The following RASA3 variants were observed in gnomAD, a reference collection of about 807,000 sequenced individuals.
RASA3 encodes RAS p21 protein activator 3.
Under a neutral mutation model 110.0 loss-of-function variants are expected in RASA3, and 73 were observed. That is an observed-to-expected ratio of 0.66 (90% CI 0.55 to 0.81). The LOEUF (loss-of-function observed/expected upper bound fraction) is 0.81, where lower values mean the gene tolerates loss of function less well. RASA3 is among the 30% of genes least tolerant of loss of function. The pLI is 0.00. For missense variants in RASA3, 976 were observed against 1,113.2 expected (o/e 0.88, Z 1.75); for synonymous variants, 500 against 451.4 (o/e 1.11, Z -1.37).
intron 3 of RASA3, among the ~76,000 whole-genome samples, chr13:114,045,318 C>T (rs1367521018): frequency 1.3e-5 from 2 of 152,250 alleles, no homozygotes; most frequent in Non-Finnish European, 2.9e-5. Context: ...TGGGCAAAGG[C>T]GGCTGCCTTC....
rs989438913 is a variant in RASA3, at chr13:114,011,036, G to A, written c.1590+135C>T. ...GCTCAGGTCCTGGGTTTCAAGAGAG[G>A]ATGTGGTGCCGGCTTTGATTCTTGA... On this transcript the variant is annotated intron_variant, in intron 16 of 23. Transcript: ENST00000334062. This position sits in a 1 kb window ranked among gnomAD's most constrained non-coding sequence, Gnocchi z 4.8. 2.5e-5 allele frequency: 21 copies of A among 829,484 alleles called. No homozygotes were observed. The highest frequency in any genetic ancestry group is 7.8e-5 in the South Asian group (5 of 64,480). 51.4% of individuals were successfully genotyped at this position (829,484 alleles called of 1,614,324 possible).
chr13:114,024,176 T>C lies in RASA3; in HGVS notation c.680+103A>G, dbSNP rs2053984129. 3.5e-6 allele frequency: 4 copies of C among 1,154,196 alleles called. No individual in the cohort carries two copies. In the South Asian group the frequency reaches 3.9e-5, roughly 11 times the overall value. The allele number at this position is 1,154,196 out of a possible 1,614,324, so 71.5% of individuals were successfully genotyped here. The stretch of plus-strand genomic sequence containing the variant: ...GTGAAAATTACCAAGAAAATGGAAA[T>C]TCATTTCTATCTATGACCCTATATT... On this transcript the variant is annotated intron_variant, in intron 8 of 23. Coordinates refer to ENST00000334062, the MANE Select transcript of RASA3 (RefSeq NM_007368.4).
Position 114,056,390 on chromosome 13 carries a change from C to T in RASA3, c.174-4235G>A, listed in dbSNP as rs1438176618. 2.1e-6 allele frequency: 2 copies of T among 956,416 alleles called. No homozygotes were observed. Among genetic ancestry groups the T allele is most frequent in the Non-Finnish European group, 2.5e-6 (2 of 803,544 alleles). The allele number at this position is 956,416 out of a possible 1,614,324, so 59.2% of individuals were successfully genotyped here. Reference sequence around the variant, plus strand: ...ACCTGGCATTTAACCCTGCACACTTCCTCACCACCCTGATGCACAGGGTGG... The same window carrying T: ...ACCTGGCATTTAACCCTGCACACTTTCTCACCACCCTGATGCACAGGGTGG... On this transcript the variant is annotated intron_variant, in intron 2 of 23. Coordinates refer to ENST00000334062, the MANE Select transcript of RASA3 (RefSeq NM_007368.4). The surrounding 1 kb of genome is among the most constrained non-coding windows in gnomAD (Gnocchi z 5.7).
intron 19 of RASA3, 112 bp from the exon 20 acceptor site, chr13:113,999,779 G>T (rs1251859206): frequency 5.7e-6 from 2 of 350,214 alleles, no homozygotes; most frequent in East Asian, 1.5e-4. Flanking sequence ...TTACCGGGGG[G>T]TCTCTGCCAG....
At chr13:113,984,285 G>A (rs55837257) in intron 22 of RASA3, among the ~76,000 whole-genome samples, 4 of 80,558 alleles carry the variant, frequency 5.0e-5, no homozygotes, top group Non-Finnish European at 5.4e-5. Flanking sequence ...CTCATCCCTC[G>A]GTCCATCCAC....
At position 114,056,592 on chromosome 13, in the gene RASA3, G is replaced by A; in HGVS notation, c.174-4437C>T. ...ACTCTGCTTGGCAGTGGGGGGCTCG[G>A]TGGGGGGAGGCCCGTGCTGGCTGGG... On this transcript the variant is annotated intron_variant, in intron 2 of 23. Coordinates refer to ENST00000334062, the MANE Select transcript of RASA3 (RefSeq NM_007368.4). The surrounding 1 kb of genome is among the most constrained non-coding windows in gnomAD (Gnocchi z 5.7). 3 of 985,236 alleles carry A rather than the reference G, an allele frequency of 3.0e-6. No homozygotes were observed. Among genetic ancestry groups the A allele is most frequent in the African/African-American group, 3.5e-5 (2 of 57,276 alleles). The allele number at this position is 985,236 out of a possible 1,614,324, so 61.0% of individuals were successfully genotyped here. A position where few individuals can be genotyped will look rare whatever the true frequency, so the allele number is the denominator to read the frequency against.
intron 1 of RASA3, among the ~76,000 whole-genome samples, chr13:114,124,942 G>T (rs149171942): frequency 3.3e-5 from 5 of 152,130 alleles, no homozygotes; most frequent in Non-Finnish European, 7.3e-5. Context: ...TTGCTGCTAC[G>T]GAAGGCCTTG....
chr13:114,120,596 C>G (rs1472422555), intron 1 of RASA3, among the ~76,000 whole-genome samples: 1 of 140,852 alleles, frequency 7.1e-6, no homozygotes, highest in Admixed American at 7.1e-5. Context: ...AGCCAGACGT[C>G]GGTCAGGGCC....
chr13:114,013,940 CTCTATCTCTCTG>C (rs1341573461), intron 14 of RASA3, among the ~76,000 whole-genome samples: 12 of 93,616 alleles, frequency 1.3e-4, no homozygotes, highest in African/African-American at 3.8e-4. Flanking sequence ...CTCTCCCTGT[CTCTATCTCTCTG>C]TCTCTCTCTC....
At chr13:114,095,118 G>C (rs557363345) in intron 1 of RASA3, among the ~76,000 whole-genome samples, 2 of 152,310 alleles carry the variant, frequency 1.3e-5, no homozygotes, top group East Asian at 3.9e-4. Flanking sequence ...GTTCACACAG[G>C]AAAGTCAGGA....
chr13:113,990,211 C>T (rs1396340736), intron 22 of RASA3, among the ~76,000 whole-genome samples: 1 of 152,132 alleles, frequency 6.6e-6, no homozygotes, highest in East Asian at 1.9e-4. Context: ...GTCAATCAAT[C>T]TTCTTTTCTT....
In RASA3 at chr13:114,057,540, C is replaced by A. The variant is rs1016898423; in HGVS notation, c.174-5385G>T. ...TGATTTATTTAGGGAATAAGAAGGG[C>A]GATTCCAGGGACAGTGGAGGCCCCC... On this transcript the variant is annotated intron_variant, in intron 2 of 23. Coordinates refer to ENST00000334062, the MANE Select transcript of RASA3 (RefSeq NM_007368.4). The surrounding 1 kb of genome is among the most constrained non-coding windows in gnomAD (Gnocchi z 5.0). 2.0e-6 allele frequency: 2 copies of A among 982,060 alleles called. No homozygotes were observed. Among genetic ancestry groups the A allele is most frequent in the African/African-American group, 3.5e-5 (2 of 57,122 alleles). The allele number at this position is 982,060 out of a possible 1,614,324, so 60.8% of individuals were successfully genotyped here.
At chr13:114,095,995 C>T (rs1184198888) in intron 1 of RASA3, among the ~76,000 whole-genome samples, 8 of 152,250 alleles carry the variant, frequency 5.3e-5, no homozygotes, top group African/African-American at 1.4e-4. Context: ...AGCTAATCAA[C>T]GTTAATTTTT....
At chr13:114,055,846 C>G (rs530980670) in intron 2 of RASA3, among the ~76,000 whole-genome samples, 8 of 152,324 alleles carry the variant, frequency 5.3e-5, no homozygotes, top group African/African-American at 1.9e-4. Context: ...ACACAAGAAG[C>G]CCAGCGGGAG....
At chr13:114,024,186 T>A in intron 8 of RASA3, 93 bp downstream of exon 8, 1 of 1,217,730 alleles carries the variant, frequency 8.2e-7, no homozygotes, top group Non-Finnish European at 1.2e-6. Flanking sequence ...TTCATTTCTA[T>A]CTATGACCCT....
chr13:114,014,664 T>C lies in RASA3; in HGVS notation c.1405+545A>G, dbSNP rs2139277598. ...AGGTTGAGAAGTGGGGTTTGGGTGCTGGATGCCCAGGTCCCTAGGGGATCT... is the reference window on the plus strand; with the variant it reads ...AGGTTGAGAAGTGGGGTTTGGGTGCCGGATGCCCAGGTCCCTAGGGGATCT... On this transcript the variant is annotated intron_variant, in intron 14 of 23. Transcript: ENST00000334062. This position sits in a 1 kb window ranked among gnomAD's most constrained non-coding sequence, Gnocchi z 4.5. Among the ~76,000 whole-genome samples the C allele has an allele frequency of 6.6e-6, 1 of 152,190 alleles. No individual in the cohort carries two copies. The highest frequency in any genetic ancestry group is 6.5e-5 in the Admixed American group (1 of 15,302).
intron 1 of RASA3, among the ~76,000 whole-genome samples, chr13:114,097,465 T>A (rs2079961330): frequency 6.6e-6 from 1 of 152,208 alleles, no homozygotes. Context: ...AGACAGAACG[T>A]CACAGCGAAG....
In RASA3 at chr13:114,053,694, A is replaced by G. The variant is rs1443930013; in HGVS notation, c.174-1539T>C. On this transcript the variant is annotated intron_variant, in intron 2 of 23. Transcript: ENST00000334062. Reference sequence around the variant, plus strand: ...AGCCTCTCAGAAGAAAATGAGAATGAACCTGCACCCTAAAGTCAGGTAAAG... The same window carrying G: ...AGCCTCTCAGAAGAAAATGAGAATGGACCTGCACCCTAAAGTCAGGTAAAG... Among the ~76,000 whole-genome samples the G allele has an allele frequency of 2.6e-5, 4 of 152,378 alleles. No individual in the cohort carries two copies. The East Asian group carries it at 7.7e-4, about 29-fold the overall frequency.
At chr13:114,067,182 A>G (rs1257942238) in intron 2 of RASA3, among the ~76,000 whole-genome samples, 1 of 125,292 alleles carries the variant, frequency 8.0e-6, no homozygotes, top group Non-Finnish European at 1.7e-5. Context: ...CACCTGCGGT[A>G]CTCTGGGGCT....
Sources: gnomAD v4.1 joint callset for allele counts (sites outside exome capture counted in the v4.1 genomes callset) on GRCh38, gnomAD v4.1.1 for gene constraint, Gnocchi (gnomAD v3.1) non-coding constraint, MANE v1.5 for transcripts, NCBI Gene and HGNC (gene_info 2026-07-23, HGNC 2026-07-21) for gene names.